The following JAK2 variants were observed in gnomAD, a reference collection of about 807,000 sequenced individuals.
The protein encoded by JAK2 is Janus kinase 2, also known as tyrosine-protein kinase JAK2.
JAK2 carries 86 observed loss-of-function variants against 139.3 expected under a neutral mutation model. The observed-to-expected ratio is 0.62, with a 90% CI of 0.52 to 0.74. JAK2 has a LOEUF of 0.74. Among genes scored for constraint, JAK2 ranks in the 30% least tolerant of loss-of-function variants. The pLI, the probability that JAK2 is intolerant of heterozygous loss-of-function variation, is 0.00. For missense variants in JAK2, 1,421 were observed against 1,360.3 expected (o/e 1.04, Z -0.70); for synonymous variants, 490 against 437.7 (o/e 1.12, Z -1.49).
At chr9:5,064,508 C>T (rs1818429439) in intron 8 of JAK2, among the ~76,000 whole-genome samples, 1 of 141,116 alleles carries the variant, frequency 7.1e-6, no homozygotes, top group Admixed American at 7.4e-5. Context: ...TCAGCCTGGG[C>T]GATGGAGCAA....
chr9:5,049,056 C>G (rs984549113), intron 5 of JAK2, among the ~76,000 whole-genome samples: 7 of 152,196 alleles, frequency 4.6e-5, no homozygotes, highest in Admixed American at 6.5e-5. Flanking sequence ...CTCTCTTCTT[C>G]ATTCTTTAGA....
intron 4 of JAK2, among the ~76,000 whole-genome samples, chr9:5,037,034 A>G (rs1053976723): frequency 2.0e-5 from 3 of 152,244 alleles, no homozygotes; most frequent in Admixed American, 1.3e-4. Flanking sequence ...CAACCCCATC[A>G]AAAAGTGGGC....
chr9:5,031,885 C>T (rs1823178762), intron 4 of JAK2, among the ~76,000 whole-genome samples: 2 of 152,230 alleles, frequency 1.3e-5, no homozygotes, highest in Admixed American at 1.3e-4. Flanking sequence ...CCGGGTTCGT[C>T]TCACTGGGGA....
At chr9:5,041,978 G>C (rs1816578697) in intron 4 of JAK2, 1 of 368,192 alleles carries the variant, frequency 2.7e-6, no homozygotes, top group African/African-American at 2.1e-5. Context: ...TGGGGAGCGA[G>C]CTTGTGTGAG....
intron 3 of JAK2, among the ~76,000 whole-genome samples, chr9:5,027,335 T>G (rs548244487): frequency 6.1e-4 from 93 of 152,364 alleles, no homozygotes; most frequent in Non-Finnish European, 1.1e-3. Flanking sequence ...TTCTGTAGTC[T>G]GTTAAGTATG....
chr9:4,994,148 G>GT (rs544377447), intron 2 of JAK2, among the ~76,000 whole-genome samples: 190 of 152,288 alleles, frequency 1.2e-3, no homozygotes, highest in African/African-American at 4.4e-3. Context: ...AATAATCAGA[G>GT]TGTTTGGAAT....
chr9:5,016,143 A>T (rs1032219471), intron 2 of JAK2, among the ~76,000 whole-genome samples: 1 of 152,152 alleles, frequency 6.6e-6, no homozygotes, highest in Non-Finnish European at 1.5e-5. Context: ...CCTCCCGCCA[A>T]ACGCTGCCTA....
chr9:5,006,773 T>C (rs1303960602), intron 2 of JAK2, among the ~76,000 whole-genome samples: 1 of 152,148 alleles, frequency 6.6e-6, no homozygotes, highest in East Asian at 1.9e-4. Context: ...CCTCTAACAC[T>C]GAAGATCATA....
intron 22 of JAK2, chr9:5,114,206 G>A: frequency 2.0e-6 from 1 of 494,514 alleles, no homozygotes. Flanking sequence ...ACCTGAGCCG[G>A]TCCAGCCCCT....
chr9:5,015,874 T>C (rs540425742), intron 2 of JAK2, among the ~76,000 whole-genome samples: 5 of 151,838 alleles, frequency 3.3e-5, no homozygotes, highest in African/African-American at 1.2e-4. Flanking sequence ...CTAAACACGA[T>C]TGTGTCATAT....
intron 8 of JAK2, among the ~76,000 whole-genome samples, chr9:5,061,065 T>C (rs1818138136): frequency 6.6e-6 from 1 of 152,210 alleles, no homozygotes; most frequent in African/African-American, 2.4e-5. Flanking sequence ...ATCTTAACAA[T>C]GGGCTTAAAA....
At chr9:5,083,886 A>G (rs1443403756) in intron 19 of JAK2, among the ~76,000 whole-genome samples, 1 of 152,162 alleles carries the variant, frequency 6.6e-6, no homozygotes, top group Non-Finnish European at 1.5e-5. Flanking sequence ...CAACTACACA[A>G]TTTCTTTCAA....
intron 22 of JAK2, among the ~76,000 whole-genome samples, chr9:5,102,492 C>G (rs779267587): frequency 7.9e-5 from 12 of 152,158 alleles, no homozygotes; most frequent in Admixed American, 2.6e-4. Context: ...AGGAGAACTT[C>G]CCCGACCTAC....
intron 2 of JAK2, 144 bp downstream of exon 2, chr9:4,986,166 A>C (rs879723951): frequency 1.3e-5 from 2 of 152,402 alleles, no homozygotes; most frequent in Admixed American, 1.3e-4. Flanking sequence ...CTAAACTTTT[A>C]ATGTTGATCT....
chr9:5,048,064 C>T (rs1354204682), intron 5 of JAK2, among the ~76,000 whole-genome samples: 1 of 152,218 alleles, frequency 6.6e-6, no homozygotes, highest in African/African-American at 2.4e-5. Context: ...ACTCATTTTT[C>T]ATATATTTAT....
At chr9:5,110,824 C>T (rs1020415283) in intron 22 of JAK2, 14 of 445,070 alleles carry the variant, frequency 3.1e-5, no homozygotes, top group Admixed American at 3.1e-4. Context: ...CTGCATCGCC[C>T]GTTTGTTCGG....
intron 2 of JAK2, among the ~76,000 whole-genome samples, chr9:5,011,211 A>G (rs936299620): frequency 2.6e-5 from 4 of 151,066 alleles, no homozygotes; most frequent in Admixed American, 6.6e-5. Flanking sequence ...TTCCACTTAT[A>G]TGTATCAGAC....
intron 5 of JAK2, among the ~76,000 whole-genome samples, chr9:5,045,903 C>T (rs779021728): frequency 6.6e-6 from 1 of 151,938 alleles, no homozygotes; most frequent in African/African-American, 2.4e-5. Context: ...CAATATATAC[C>T]CAGAAATGGA....
intron 19 of JAK2, among the ~76,000 whole-genome samples, chr9:5,087,834 T>G (rs936168335): frequency 6.6e-6 from 1 of 152,190 alleles, no homozygotes; most frequent in African/African-American, 2.4e-5. Context: ...AAATATTTAT[T>G]TATAAGAATA....
Sources: gnomAD v4.1 joint callset for allele counts (sites outside exome capture counted in the v4.1 genomes callset) on GRCh38, gnomAD v4.1.1 for gene constraint, MANE v1.5 for transcripts, NCBI Gene and HGNC (gene_info 2026-07-23, HGNC 2026-07-21) for gene names.